Variants in KHNYN observed in about 807,000 individuals in gnomAD.
KHNYN encodes KH and NYN domain containing.
KHNYN carries 42 observed loss-of-function variants against 62.7 expected under a neutral mutation model. That is an observed-to-expected ratio of 0.67 (90% CI 0.52 to 0.87). The LOEUF is 0.87. KHNYN is among the 40% of genes least tolerant of loss of function. The probability of loss-of-function intolerance (pLI) is 0.00; values close to 1 mark genes in which losing one functional copy is unlikely to be tolerated. For synonymous variants in KHNYN, 347 were observed against 345.6 expected (o/e 1.00, Z -0.04); for missense variants, 829 against 874.1 (o/e 0.95, Z 0.65).
chr14:24,431,467 A>G lies in KHNYN; in HGVS notation c.206A>G (p.Tyr69Cys), dbSNP rs778462859. The G allele has an allele frequency of 3.2e-6, 5 of 1,563,118 alleles. No homozygotes were observed. The highest frequency in any genetic ancestry group is 1.8e-5 in the Admixed American group (1 of 55,168). Residue 69 changes from tyrosine to cysteine, a missense_variant, in exon 3 of 8, where the codon TAC becomes TGC. Around this residue, in one of 2 missense-constraint regions of KHNYN, gnomAD observed 559 missense variants for 527.0 expected, o/e 1.06. Transcript: ENST00000553935. ...CCTTCCCTTCCTCCCAACCAGGAGT[A>G]CCTGAAGGGCCTCTGCAGCCCAGAA... is the stretch of plus-strand genomic sequence containing the variant. ...PKENASRAKE[Y>C]LKGLCSPELQ...
chr14:24,437,314 T>G lies in KHNYN; in HGVS notation c.*29T>G. 1 of 1,593,470 alleles carries G rather than the reference T, an allele frequency of 6.3e-7. No homozygotes were observed. The highest frequency in any genetic ancestry group is 8.6e-7 in the Non-Finnish European group (1 of 1,166,856). ...TCACCTGCTTGAGTGGCTGCCGCCC[T>G]GTCAGCTCCAGCCGCCTCCAGCTCA... On this transcript the variant is annotated 3_prime_UTR_variant, in exon 8 of 8. Transcript: ENST00000553935. This position sits in a 1 kb window ranked among gnomAD's most constrained non-coding sequence, Gnocchi z 5.5.
At chr14:24,433,463 G>A (rs1047220035) in intron 5 of KHNYN, among the ~76,000 whole-genome samples, 1 of 152,160 alleles carries the variant, frequency 6.6e-6, no homozygotes, top group Admixed American at 6.5e-5. Flanking sequence ...CACAACGCAT[G>A]AATAATAGGA....
chr14:24,432,305 C>T lies in KHNYN; in HGVS notation c.1044C>T (p.His348=), dbSNP rs1594754499. The change falls in exon 3 of 8, where the codon CAC becomes CAT. Residue 348 remains histidine (H), a synonymous_variant. Coordinates refer to ENST00000553935, the MANE Select transcript of KHNYN (RefSeq NM_015299.3). This position sits in a 1 kb window ranked among gnomAD's most constrained non-coding sequence, Gnocchi z 5.6. Reference sequence around the variant, plus strand: ...GAGCCTCCCTCCTCCAGCGGCTCCACAATGGGAATGCCTCTCCTCCGAGGG... The same window carrying T: ...GAGCCTCCCTCCTCCAGCGGCTCCATAATGGGAATGCCTCTCCTCCGAGGG... ...SRGASLLQRL[H]NGNASPPRVP... 1.2e-6 allele frequency: 2 copies of T among 1,614,052 alleles called. No individual in the cohort carries two copies. Among genetic ancestry groups the T allele is most frequent in the Non-Finnish European group, 1.7e-6 (2 of 1,179,974 alleles).
In KHNYN at chr14:24,431,724, T is replaced by C; in HGVS notation, c.463T>C (p.Ser155Pro). 6.2e-7 allele frequency: 1 copy of C among 1,614,180 alleles called. No individual in the cohort carries two copies. Among genetic ancestry groups the C allele is most frequent in the Non-Finnish European group, 8.5e-7 (1 of 1,180,044 alleles). ...CACGCCAGGACCATCTTCCGGAGCC[T>C]CTCAGTGTACTGGAGTGCTGAGAGA... The part of the protein sequence containing the change: ...DFTPGPSSGA[S>P]QCTGVLRDFS... The change falls in exon 3 of 8, where the codon TCT (serine) becomes CCT (proline). Residue 155 changes from serine (S) to proline (P), a missense_variant. Physicochemically the swap from Ser to Pro is moderately conservative, Grantham distance 74. This residue lies in a region of KHNYN where 559 missense variants were observed against 527.0 expected (regional missense o/e 1.06). Coordinates refer to ENST00000553935, the MANE Select transcript of KHNYN (RefSeq NM_015299.3).
Position 24,439,750 on chromosome 14 carries a change from A to G in KHNYN, c.*2465A>G, listed in dbSNP as rs1247410736. On this transcript the variant is annotated 3_prime_UTR_variant, in exon 8 of 8. Coordinates refer to ENST00000553935, the MANE Select transcript of KHNYN (RefSeq NM_015299.3). ...GTAAATCCCAGGAGAATCTAGGCCA[A>G]AGAGATGAGCCAAGGTTAGTGAGAC... The G allele has an allele frequency of 1.5e-5, 3 of 195,708 alleles. No homozygotes were observed. The highest frequency in any genetic ancestry group is 6.0e-5 in the Admixed American group (1 of 16,696). The allele number at this position is 195,708 out of a possible 1,614,324, so 12.1% of individuals were successfully genotyped here.
rs564854801 is a variant in KHNYN at position 24,440,703 on chromosome 14, C to G, written c.*3418C>G. ...CATCCTCTCACTCTGTAATTGTAAT[C>G]TCAGCTCTCCTAATCCCATCACTTC... On this transcript the variant is annotated 3_prime_UTR_variant, in exon 8 of 8. Coordinates refer to ENST00000553935, the MANE Select transcript of KHNYN (RefSeq NM_015299.3). 1.3e-6 allele frequency: 2 copies of G among 1,529,638 alleles called. No homozygotes were observed. Among genetic ancestry groups the G allele is most frequent in the South Asian group, 2.4e-5 (2 of 83,856 alleles). The allele number at this position is 1,529,638 out of a possible 1,614,324, so 94.8% of individuals were successfully genotyped here.
At chr14:24,427,786 T>C, upstream of KHNYN, 1 of 1,613,792 alleles carries the variant, frequency 6.2e-7, no homozygotes, top group Non-Finnish European at 8.5e-7. The surrounding 1 kb of genome is among the most constrained non-coding windows in gnomAD (Gnocchi z 4.4). Context: ...AAGACTTGGG[T>C]CCTCAGAGAG....
intron 5 of KHNYN, among the ~76,000 whole-genome samples, chr14:24,433,723 A>T (rs921421523): frequency 6.6e-6 from 1 of 152,202 alleles, no homozygotes; most frequent in Non-Finnish European, 1.5e-5. Flanking sequence ...CTTTGCACAG[A>T]CCTACTCAAG....
intron 1 of KHNYN, 22 bp downstream of exon 1, chr14:24,430,141 G>T (rs1300847866): frequency 2.0e-6 from 2 of 983,350 alleles, no homozygotes; most frequent in Non-Finnish European, 2.4e-6. Flanking sequence ...CCTCCACCGC[G>T]CCCGGGAGCG....
chr14:24,436,661 A>C (rs914224643), intron 7 of KHNYN, among the ~76,000 whole-genome samples, 172 bp downstream of exon 7: 1 of 151,904 alleles, frequency 6.6e-6, no homozygotes, highest in African/African-American at 2.4e-5. Context: ...CTGACATAGA[A>C]CCTCCTTGCT....
rs1425335868 is a variant in KHNYN, at chr14:24,430,819, A to C, written c.89A>C (p.His30Pro). 6.2e-7 allele frequency: 1 copy of C among 1,612,768 alleles called. No individual in the cohort carries two copies. The highest frequency in any genetic ancestry group is 1.7e-5 in the Admixed American group (1 of 59,876). Reference protein sequence around the residue: ...AENKVREQQPHVERIFSVGVS... With the variant: ...AENKVREQQPPVERIFSVGVS... Reference sequence around the variant, plus strand: ...AACAAGGTTCGGGAACAGCAGCCCCATGTGGAGCGCATCTTCAGCGTGGGG... The same window carrying C: ...AACAAGGTTCGGGAACAGCAGCCCCCTGTGGAGCGCATCTTCAGCGTGGGG... Residue 30 changes from histidine (H) to proline (P), a missense_variant, in exon 2 of 8, where the codon CAT (histidine) becomes CCT (proline). His to Pro is a moderately conservative substitution (Grantham distance 77, BLOSUM62 -2). This residue lies in a region of KHNYN where 559 missense variants were observed against 527.0 expected (regional missense o/e 1.06). Transcript: ENST00000553935.
At chr14:24,435,152 C>T (rs2043186315) in intron 5 of KHNYN, among the ~76,000 whole-genome samples, 1 of 152,232 alleles carries the variant, frequency 6.6e-6, no homozygotes, top group Non-Finnish European at 1.5e-5. Flanking sequence ...CTTGGTAATT[C>T]TGTTCCTTAG....
rs1301391164 is a variant in KHNYN at position 24,432,293 on chromosome 14, C to A, written c.1032C>A (p.Leu344=). ...CTCAGTCCCGAGGAGCCTCCCTCCTCCAGCGGCTCCACAATGGGAATGCCT... is the reference window on the plus strand; with the variant it reads ...CTCAGTCCCGAGGAGCCTCCCTCCTACAGCGGCTCCACAATGGGAATGCCT... ...RAAQSRGASL[L]QRLHNGNASP... is the part of the protein sequence containing the mutation. The change falls in exon 3 of 8, where the codon CTC becomes CTA. Residue 344 remains leucine (L), a synonymous_variant. Transcript: ENST00000553935. The surrounding 1 kb of genome is among the most constrained non-coding windows in gnomAD (Gnocchi z 5.6). 1.9e-6 allele frequency: 3 copies of A among 1,614,006 alleles called. No homozygotes were observed. The highest frequency in any genetic ancestry group is 1.7e-6 in the Non-Finnish European group (2 of 1,179,920).
chr14:24,441,246 T>G lies in KHNYN; in HGVS notation c.*3961T>G. Reference sequence around the variant, plus strand: ...CTTGATGCAAGTTACTTAACCTCTCTGTATAGAATTTTCACATCTTTAAAA... The same window carrying G: ...CTTGATGCAAGTTACTTAACCTCTCGGTATAGAATTTTCACATCTTTAAAA... On this transcript the variant is annotated 3_prime_UTR_variant, in exon 8 of 8. Coordinates refer to ENST00000553935, the MANE Select transcript of KHNYN (RefSeq NM_015299.3). 4.3e-6 allele frequency: 2 copies of G among 470,010 alleles called. No homozygotes were observed. The highest frequency in any genetic ancestry group is 7.7e-6 in the Non-Finnish European group (2 of 259,104). The allele number at this position is 470,010 out of a possible 1,614,324, so 29.1% of individuals were successfully genotyped here.
chr14:24,429,153 T>C, upstream of KHNYN: 1 of 1,279,038 alleles, frequency 7.8e-7, no homozygotes, highest in African/African-American at 1.5e-5. Context: ...CCTGATCGTC[T>C]GCCCTCTCTA....
rs2043113740 is a variant in KHNYN, at chr14:24,431,570, G to A, written c.309G>A (p.Leu103=). The A allele has an allele frequency of 6.2e-7, 1 of 1,613,214 alleles. No homozygotes were observed. The change falls in exon 3 of 8, where the codon CTG becomes CTA. Residue 103 remains leucine, a synonymous_variant. Transcript: ENST00000553935. ...CCCAGGGCTTCTTCCTTGACTGCCT[G>A]GCCTGGAGCACGTCAGCCCATCTGG... ...LGAQGFFLDC[L]AWSTSAHLVP...
chr14:24,441,669 C>T lies in KHNYN; in HGVS notation c.*4384C>T, dbSNP rs945573521. 1.9e-6 allele frequency: 3 copies of T among 1,575,168 alleles called. No individual in the cohort carries two copies. The highest frequency in any genetic ancestry group is 4.5e-5 in the East Asian group (2 of 44,738). Reference sequence around the variant, plus strand: ...TATAAGGGGCTGGTGATTTGGGGGGCGTACCTACACCTGTGACTAAGACCC... The same window carrying T: ...TATAAGGGGCTGGTGATTTGGGGGGTGTACCTACACCTGTGACTAAGACCC... On this transcript the variant is annotated 3_prime_UTR_variant, in exon 8 of 8. Coordinates refer to ENST00000553935, the MANE Select transcript of KHNYN (RefSeq NM_015299.3).
In KHNYN at chr14:24,440,401, T is replaced by C. The variant is rs1375008018; in HGVS notation, c.*3116T>C. On this transcript the variant is annotated 3_prime_UTR_variant, in exon 8 of 8. Transcript: ENST00000553935. ...CCCCGATGTGTATCCAGGGGAAGAA[T>C]TGGTGGCCTGAGCCGATGGGGCCCC... 2 of 1,613,846 alleles carry C rather than the reference T, an allele frequency of 1.2e-6. No homozygotes were observed. The highest frequency in any genetic ancestry group is 1.6e-4 in the Middle Eastern group (1 of 6,062).
intron 5 of KHNYN, among the ~76,000 whole-genome samples, chr14:24,434,872 CT>C (rs1457594814): frequency 6.6e-6 from 1 of 152,142 alleles, no homozygotes; most frequent in African/African-American, 2.4e-5. Context: ...GGTGGGAACA[CT>C]GGGAACAAGA....
Sources: allele counts gnomAD v4.1 joint callset (sites outside exome capture counted in the v4.1 genomes callset), GRCh38; gene constraint gnomAD v4.1.1; regional missense constraint gnomAD v4.1.1; non-coding constraint Gnocchi (gnomAD v3.1); transcripts MANE v1.5; gene names NCBI Gene and HGNC (gene_info 2026-07-23, HGNC 2026-07-21).